The following ADAM30 variants were observed in gnomAD, a reference collection of about 807,000 sequenced individuals.
ADAM30 encodes the protein ADAM metallopeptidase domain 30, also known as disintegrin and metalloproteinase domain-containing protein 30.
For missense variants in ADAM30, 960 were observed against 959.4 expected (o/e 1.00, Z -0.01); for synonymous variants, 382 against 340.9 (o/e 1.12, Z -1.33).
rs1392285599 is a variant in ADAM30, at chr1:119,894,161, A to G, written c.2176T>C (p.Ser726Pro). 1 of 1,613,332 alleles carries G rather than the reference A, an allele frequency of 6.2e-7. No homozygotes were observed. The highest frequency in any genetic ancestry group is 1.7e-5 in the Admixed American group (1 of 59,858). Residue 726 changes from serine (S) to proline (P), a missense_variant, in exon 1 of 1, where the codon TCC (serine) becomes CCC (proline). By Grantham distance (74) the Ser-to-Pro change is moderately conservative. Transcript: ENST00000369400. ...LKPKQEKMPL[S>P]KAKTEQEESK... is the part of the protein sequence containing the mutation. ...TCTTCCTGTTCAGTTTTTGCTTTGG[A>G]TAGTGGCATTTTTTCCTGTTTGGGT... is the stretch of plus-strand genomic sequence containing the variant.
At position 119,896,347 on chromosome 1, in the gene ADAM30, C is replaced by A; in HGVS notation, c.-11G>T. 2 of 1,532,480 alleles carry A rather than the reference C, an allele frequency of 1.3e-6. No individual in the cohort carries two copies. Among genetic ancestry groups the A allele is most frequent in the South Asian group, 2.6e-5 (2 of 76,928 alleles). The allele number at this position is 1,532,480 out of a possible 1,614,324, so 94.9% of individuals were successfully genotyped here. A position where few individuals can be genotyped will look rare whatever the true frequency, so the allele number is the denominator to read the frequency against. ...CTGCACTGACCTCATGGTCTGTTCC[C>A]TACTCAGCCTCAGTTTGCTATTCAG... On this transcript the variant is annotated 5_prime_UTR_variant, in exon 1 of 1. In the 5' UTR this introduces an upstream ATG that the reference lacks. Transcript: ENST00000369400.
At position 119,894,916 on chromosome 1, in the gene ADAM30, G is replaced by A. The variant is rs764425856; in HGVS notation, c.1421C>T (p.Ser474Leu). 3.2e-5 allele frequency: 51 copies of A among 1,614,042 alleles called. No individual in the cohort carries two copies. Among genetic ancestry groups the A allele is most frequent in the Non-Finnish European group, 4.3e-5 (51 of 1,180,050 alleles). ...ATAAACGTCATTTGGGCAGGAACTT[G>A]AATTCCCGTCGCAGTACTCTGCAAG... is the stretch of plus-strand genomic sequence containing the variant. Reference protein sequence around the residue: ...CDLAEYCDGNSSSCPNDVYKQ... With the variant: ...CDLAEYCDGNLSSCPNDVYKQ... Residue 474 changes from serine (S) to leucine (L), a missense_variant, in exon 1 of 1, where the codon TCA becomes TTA. By Grantham distance (145) the Ser-to-Leu change is moderately radical (BLOSUM62 -2). Coordinates refer to ENST00000369400, the MANE Select transcript of ADAM30 (RefSeq NM_021794.4).
chr1:119,895,959 T>C lies in ADAM30; in HGVS notation c.378A>G (p.Ile126Met). The C allele has an allele frequency of 6.2e-7, 1 of 1,614,134 alleles. No homozygotes were observed. Among genetic ancestry groups the C allele is most frequent in the Non-Finnish European group, 8.5e-7 (1 of 1,180,022 alleles). Residue 126 changes from isoleucine (I) to methionine (M), a missense_variant, in exon 1 of 1, where the codon ATA becomes ATG. By Grantham distance (10) the Ile-to-Met change is conservative. Coordinates refer to ENST00000369400, the MANE Select transcript of ADAM30 (RefSeq NM_021794.4). ...CTCGGAGACCCCCCATGCATGTGCT[T>C]ATAGTAGCTTTAGAGTCCAGAGACT... ...VKESLDSKAT[I>M]STCMGGLRGV...
rs1272420733 is a variant in ADAM30, at chr1:119,894,864, A to G, written c.1473T>C (p.Tyr491=). The G allele has an allele frequency of 2.5e-6, 4 of 1,614,214 alleles. No homozygotes were observed. The Admixed American group carries it at 5.0e-5, about 20-fold the overall frequency. The change falls in exon 1 of 1, where the codon TAT becomes TAC. Residue 491 remains tyrosine, a synonymous_variant. Coordinates refer to ENST00000369400, the MANE Select transcript of ADAM30 (RefSeq NM_021794.4). ...ACCCCTTCCTGAAACAACGGCCTTCATACTTGCAAGGGGTTCCATCCTGCT... is the reference window on the plus strand; with the variant it reads ...ACCCCTTCCTGAAACAACGGCCTTCGTACTTGCAAGGGGTTCCATCCTGCT... ...VYKQDGTPCK[Y]EGRCFRKGCR...
chr1:119,893,963 G>T lies in ADAM30; in HGVS notation c.*1C>A. On this transcript the variant is annotated 3_prime_UTR_variant, in exon 1 of 1. Transcript: ENST00000369400. ...TTACTGAATGAGTATGGATTGCCCG[G>T]TTACTTTTTTTGTTTCTTGACACTC... 1 of 1,605,870 alleles carries T rather than the reference G, an allele frequency of 6.2e-7. No individual in the cohort carries two copies. The highest frequency in any genetic ancestry group is 8.5e-7 in the Non-Finnish European group (1 of 1,177,940).
At position 119,895,851 on chromosome 1, in the gene ADAM30, C is replaced by T. The variant is rs757849283; in HGVS notation, c.486G>A (p.Leu162=). The T allele has an allele frequency of 6.2e-7, 1 of 1,614,184 alleles. No individual in the cohort carries two copies. Among genetic ancestry groups the T allele is most frequent in the South Asian group, 1.1e-5 (1 of 91,084 alleles). The change falls in exon 1 of 1, where the codon CTG becomes CTA. Residue 162 remains leucine (L), a synonymous_variant. Coordinates refer to ENST00000369400, the MANE Select transcript of ADAM30 (RefSeq NM_021794.4). ...CCTGATTCCCAAACTGCTCTTTCTT[C>T]AGGAGATAGACGACATGTTCAAAAC... ...SPSFEHVVYL[L]KKEQFGNQVC...
In ADAM30 at chr1:119,895,043, T is replaced by C; in HGVS notation, c.1294A>G (p.Lys432Glu). Residue 432 changes from lysine (K) to glutamate (E), a missense_variant, in exon 1 of 1, where the codon AAG (lysine) becomes GAG (glutamate). Physicochemically the swap from Lys to Glu is moderately conservative, Grantham distance 56 (BLOSUM62 1). Transcript: ENST00000369400. ...CTACAGTTGGCACCTGGTTGCAACT[T>C]ACAATTTGATTGGCAACACCGATCT... ...QKDRCCQSNC[K>E]LQPGANCSIG... 1 of 1,614,214 alleles carries C rather than the reference T, an allele frequency of 6.2e-7. No individual in the cohort carries two copies. The highest frequency in any genetic ancestry group is 8.5e-7 in the Non-Finnish European group (1 of 1,180,036).
rs754320276 is a variant in ADAM30 at position 119,894,837 on chromosome 1, G to C, written c.1500C>G (p.Cys500Trp). 2.5e-6 allele frequency: 4 copies of C among 1,614,006 alleles called. No individual in the cohort carries two copies. The African/African-American group carries it at 4.0e-5, about 16-fold the overall frequency. The part of the protein sequence containing the change: ...KYEGRCFRKG[C>W]RSRYMQCQSI... ...TTTGGCACTGCATATATCTGGATCTGCACCCCTTCCTGAAACAACGGCCTT... is the reference window on the plus strand; with the variant it reads ...TTTGGCACTGCATATATCTGGATCTCCACCCCTTCCTGAAACAACGGCCTT... The change falls in exon 1 of 1, where the codon TGC becomes TGG. Residue 500 changes from cysteine (C) to tryptophan (W), a missense_variant. Coordinates refer to ENST00000369400, the MANE Select transcript of ADAM30 (RefSeq NM_021794.4).
At position 119,894,986 on chromosome 1, in the gene ADAM30, G is replaced by A. The variant is rs937654827; in HGVS notation, c.1351C>T (p.Arg451Cys). 5.0e-6 allele frequency: 8 copies of A among 1,614,038 alleles called. No individual in the cohort carries two copies. Among genetic ancestry groups the A allele is most frequent in the African/African-American group, 1.3e-5 (1 of 74,920 alleles). ...IGLCCHDCRF[R>C]PSGYVCRQEG... Reference sequence around the variant, plus strand: ...TGCCTACACACGTATCCAGATGGACGAAACCGACAATCATGACAGCAAAGT... The same window carrying A: ...TGCCTACACACGTATCCAGATGGACAAAACCGACAATCATGACAGCAAAGT... Residue 451 changes from arginine (R) to cysteine (C), a missense_variant, in exon 1 of 1, where the codon CGT becomes TGT. By Grantham distance (180) the Arg-to-Cys change is radical (BLOSUM62 -3). Coordinates refer to ENST00000369400, the MANE Select transcript of ADAM30 (RefSeq NM_021794.4).
Position 119,896,051 on chromosome 1 carries a change from G to T in ADAM30, c.286C>A (p.His96Asn). The part of the protein sequence containing the change: ...RHLRVFSFTE[H>N]GELLEDHPYI... ...GGATGATCCTCCAGCAGTTCCCCAT[G>T]TTCTGTGAAGGAGAAAACGCGCAGA... The change falls in exon 1 of 1, where the codon CAT becomes AAT. Residue 96 changes from histidine to asparagine, a missense_variant. Transcript: ENST00000369400. 6.2e-7 allele frequency: 1 copy of T among 1,614,148 alleles called. No homozygotes were observed. The highest frequency in any genetic ancestry group is 8.5e-7 in the Non-Finnish European group (1 of 1,180,032).
In ADAM30 at chr1:119,895,328, C is replaced by A. The variant is rs144550343; in HGVS notation, c.1009G>T (p.Ala337Ser). The change falls in exon 1 of 1, where the codon GCT becomes TCT. Residue 337 changes from alanine to serine, a missense_variant. By Grantham distance (99) the Ala-to-Ser change is moderately conservative (BLOSUM62 1). Coordinates refer to ENST00000369400, the MANE Select transcript of ADAM30 (RefSeq NM_021794.4). The stretch of plus-strand genomic sequence containing the variant: ...CCTACAGCATGACCCAGCTCATGAG[C>A]AGACCAGGTAGCAGGGGCAAGGATA... ...TNILAPATWSAHELGHAVGMS... is the reference protein window; with the variant it reads ...TNILAPATWSSHELGHAVGMS... 9.2e-4 allele frequency: 1,488 copies of A among 1,614,030 alleles called. 1 individual carries two copies. Among genetic ancestry groups the A allele is most frequent in the Non-Finnish European group, 1.2e-3 (1,374 of 1,180,052 alleles).
Position 119,894,431 on chromosome 1 carries a change from C to T in ADAM30, c.1906G>A (p.Glu636Lys), listed in dbSNP as rs1457188357. 6.2e-7 allele frequency: 1 copy of T among 1,614,170 alleles called. No individual in the cohort carries two copies. The highest frequency in any genetic ancestry group is 8.5e-7 in the Non-Finnish European group (1 of 1,180,032). ...CAAACACCCCGGGTATTGCATTTCT[C>T]AGGCAAACAGTCAAACTGCAGGACT... Reference protein sequence around the residue: ...SSVLQFDCLPEKCNTRGVCNN... With the variant: ...SSVLQFDCLPKKCNTRGVCNN... The change falls in exon 1 of 1, where the codon GAG becomes AAG. Residue 636 changes from glutamate (E) to lysine (K), a missense_variant. Transcript: ENST00000369400.
At position 119,895,882 on chromosome 1, in the gene ADAM30, G is replaced by A; in HGVS notation, c.455C>T (p.Ser152Phe). Residue 152 changes from serine (S) to phenylalanine (F), a missense_variant, in exon 1 of 1, where the codon TCT becomes TTT. Transcript: ENST00000369400. ...KHYQIEPLKASPSFEHVVYLL... is the reference protein window; with the variant it reads ...KHYQIEPLKAFPSFEHVVYLL... ...ATAGACGACATGTTCAAAACTGGGAGAGGCCTTGAGGGGCTCAATTTGGTA... is the reference window on the plus strand; with the variant it reads ...ATAGACGACATGTTCAAAACTGGGAAAGGCCTTGAGGGGCTCAATTTGGTA... The A allele has an allele frequency of 1.2e-6, 2 of 1,614,168 alleles. No individual in the cohort carries two copies. Among genetic ancestry groups the A allele is most frequent in the Non-Finnish European group, 1.7e-6 (2 of 1,180,046 alleles).
Position 119,893,942 on chromosome 1 carries a change from T to C in ADAM30, c.*22A>G, listed in dbSNP as rs1648492710. On this transcript the variant is annotated 3_prime_UTR_variant, in exon 1 of 1. Transcript: ENST00000369400. Reference sequence around the variant, plus strand: ...GGTTAAATAAATGAGCCTGTGTTACTGAATGAGTATGGATTGCCCGGTTAC... The same window carrying C: ...GGTTAAATAAATGAGCCTGTGTTACCGAATGAGTATGGATTGCCCGGTTAC... 6.3e-7 allele frequency: 1 copy of C among 1,586,554 alleles called. No homozygotes were observed. The highest frequency in any genetic ancestry group is 8.5e-7 in the Non-Finnish European group (1 of 1,171,296).
Position 119,893,761 on chromosome 1 carries a change from A to T in ADAM30, c.*203T>A. Reference sequence around the variant, plus strand: ...TTCTCAGAATACCCACAACTTGGTCACAAACTGAGGGGCAAGTGAACACTC... The same window carrying T: ...TTCTCAGAATACCCACAACTTGGTCTCAAACTGAGGGGCAAGTGAACACTC... On this transcript the variant is annotated 3_prime_UTR_variant, in exon 1 of 1. Transcript: ENST00000369400. 9.4e-7 allele frequency: 1 copy of T among 1,065,554 alleles called. No homozygotes were observed. Among genetic ancestry groups the T allele is most frequent in the Non-Finnish European group, 1.3e-6 (1 of 772,358 alleles). 66.0% of individuals were successfully genotyped at this position (1,065,554 alleles called of 1,614,324 possible).
rs763562788 is a variant in ADAM30 at position 119,895,134 on chromosome 1, T to C, written c.1203A>G (p.Arg401=). ...NIPGLGYVLK[R]CGNKIVEDNE... ...TGTCCTCCACAATTTTGTTTCCACA[T>C]CTCTTAAGCACATAACCTAGTCCTG... is the stretch of plus-strand genomic sequence containing the variant. Residue 401 remains arginine (R), a synonymous_variant, in exon 1 of 1, where the codon AGA becomes AGG. Coordinates refer to ENST00000369400, the MANE Select transcript of ADAM30 (RefSeq NM_021794.4). The C allele has an allele frequency of 3.1e-6, 5 of 1,614,148 alleles. No homozygotes were observed. In the East Asian group the frequency reaches 1.1e-4, roughly 36 times the overall value.
Position 119,894,096 on chromosome 1 carries a change from TTTTG to T in ADAM30, c.2237_2240del (p.Thr746LysfsTer79). On this transcript the variant is annotated frameshift_variant, in exon 1 of 1. Transcript: ENST00000369400. LOFTEE classifies it low-confidence loss of function (END_TRUNC). Reference sequence around the variant, plus strand: ...TTGCTTCAGATTCTTCCTGTCCAGTTTTTGTTTTAGATTCTTCCTGTACAGTTTT... The same window carrying T: ...TTGCTTCAGATTCTTCCTGTCCAGTTTTTTAGATTCTTCCTGTACAGTTTT... 8 of 1,613,440 alleles carry T rather than the reference TTTTG, an allele frequency of 5.0e-6. No homozygotes were observed. Among genetic ancestry groups the T allele is most frequent in the Non-Finnish European group, 6.8e-6 (8 of 1,179,538 alleles).
At position 119,894,737 on chromosome 1, in the gene ADAM30, CA is replaced by C; in HGVS notation, c.1599del (p.Phe533LeufsTer28). The C allele has an allele frequency of 6.2e-7, 1 of 1,614,126 alleles. No homozygotes were observed. Among genetic ancestry groups the C allele is most frequent in the Non-Finnish European group, 8.5e-7 (1 of 1,180,028 alleles). ...CGAATTCCTGTAATCTCACAGTTAC[CA>C]AATTGATCACCTATTAAGTTAACTG... ...YDAVNLIGDQ[F>X]GNCEITGIRN... is the part of the protein sequence containing the mutation. On this transcript the variant is annotated frameshift_variant, in exon 1 of 1. Transcript: ENST00000369400. LOFTEE classifies it low-confidence loss of function (END_TRUNC).
chr1:119,895,785 G>A lies in ADAM30; in HGVS notation c.552C>T (p.Ala184=), dbSNP rs746637965. Residue 184 remains alanine (A), a synonymous_variant, in exon 1 of 1, where the codon GCC becomes GCT. Coordinates refer to ENST00000369400, the MANE Select transcript of ADAM30 (RefSeq NM_021794.4). ...LSDDEIEWQM[A]PYENKARLRD... is the part of the protein sequence containing the mutation. ...TTAGCCTCGCCTTATTCTCATAAGG[G>A]GCCATCTGCCATTCTATTTCATCAT... The A allele has an allele frequency of 6.2e-7, 1 of 1,613,986 alleles. No homozygotes were observed. The highest frequency in any genetic ancestry group is 8.5e-7 in the Non-Finnish European group (1 of 1,180,006).
Sources: allele counts gnomAD v4.1 joint callset, GRCh38; gene constraint gnomAD v4.1.1; transcripts MANE v1.5; gene names NCBI Gene and HGNC (gene_info 2026-07-23, HGNC 2026-07-21).